GAGE10: variants seen among roughly 807,000 people sequenced by gnomAD.
GAGE10 encodes G antigen 10.
A neutral mutation model predicts 11.5 loss-of-function variants in GAGE10; 9 were observed. That is an observed-to-expected ratio of 0.78 (90% confidence interval 0.47 to 1.37). The LOEUF (loss-of-function observed/expected upper bound fraction) is 1.37. Ranked by LOEUF, GAGE10 falls within the 40% of genes most tolerant of loss-of-function variation. The pLI is 0.00. For missense variants in GAGE10, 83 were observed against 92.9 expected (o/e 0.89, Z 0.44); for synonymous variants, 23 against 29.7 (o/e 0.77, Z 0.73).
Position 49,317,068 on chromosome X carries a change from G to C in GAGE10, c.203-95G>C, listed in dbSNP as rs782758281. On this transcript the variant is annotated intron_variant, in intron 3 of 4. Transcript: ENST00000407599. ...CATATTTATTATTATACTAGCTAAA[G>C]CTTTTATATAATAACACCGAGAGCA... 3 of 988,879 alleles carry C rather than the reference G, an allele frequency of 3.0e-6. No homozygotes were observed. The Admixed American group carries it at 8.1e-5, about 27-fold the overall frequency. 81.5% of individuals were successfully genotyped at this position (988,879 alleles called of 1,213,427 possible).
chrX:49,306,936 C>G (rs1421226927), intron 3 of GAGE10, among the ~76,000 whole-genome samples: 1 of 111,916 alleles, frequency 8.9e-6, no homozygotes, highest in Non-Finnish European at 1.9e-5. Context: ...GCAAACATAA[C>G]TCCTTAGTGA....
At chrX:49,303,955 C>T (rs2066346291) in intron 1 of GAGE10, among the ~76,000 whole-genome samples, 1 of 111,788 alleles carries the variant, frequency 8.9e-6, no homozygotes. Context: ...CTCTCAAAGG[C>T]TGTGAGGCCA....
intron 4 of GAGE10, among the ~76,000 whole-genome samples, chrX:49,317,588 T>C (rs1816818942): frequency 9.0e-6 from 1 of 111,275 alleles, no homozygotes. Flanking sequence ...CCTCAGGTGA[T>C]CCACTTAACT....
chrX:49,311,418 C>T (rs1557124731), intron 3 of GAGE10, among the ~76,000 whole-genome samples: 1 of 111,527 alleles, frequency 9.0e-6, no homozygotes, highest in African/African-American at 3.3e-5. Context: ...TTCATGGTAT[C>T]CCAAGGCCAG....
chrX:49,314,345 C>G (rs1251350540), intron 3 of GAGE10, among the ~76,000 whole-genome samples: 1 of 112,352 alleles, frequency 8.9e-6, no homozygotes, highest in Non-Finnish European at 1.9e-5. Flanking sequence ...TTAGCAGGAC[C>G]AGCCCTAAAC....
chrX:49,304,280 G>A (rs1442676670), intron 1 of GAGE10, among the ~76,000 whole-genome samples: 1 of 112,688 alleles, frequency 8.9e-6, no homozygotes. Flanking sequence ...GGAAGGTCTG[G>A]CAACAGTGGG....
chrX:49,316,531 CGCA>C (rs1262849670), intron 3 of GAGE10, among the ~76,000 whole-genome samples: 14 of 111,275 alleles, frequency 1.3e-4, no homozygotes, highest in African/African-American at 4.6e-4. Context: ...TTAATTATCC[CGCA>C]GAAGTGAGAC....
intron 3 of GAGE10, among the ~76,000 whole-genome samples, 166 bp from the exon 4 acceptor site, chrX:49,316,997 T>C (rs1202689573): frequency 1.8e-5 from 2 of 111,837 alleles, no homozygotes; most frequent in African/African-American, 3.3e-5. Context: ...TTTTCCTGTT[T>C]TCTGCTAACA....
chrX:49,306,233 T>G (rs1179763227), intron 3 of GAGE10, among the ~76,000 whole-genome samples: 3 of 112,230 alleles, frequency 2.7e-5, no homozygotes, highest in Non-Finnish European at 3.8e-5. Flanking sequence ...TTTATGTAAC[T>G]GAGGTCATGG....
At chrX:49,307,696 C>G (rs2066362480) in intron 3 of GAGE10, among the ~76,000 whole-genome samples, 1 of 111,899 alleles carries the variant, frequency 8.9e-6, no homozygotes, top group South Asian at 3.7e-4. Context: ...AGGGTTCGCC[C>G]TGTTGTCCAG....
intron 4 of GAGE10, 55 bp downstream of exon 4, chrX:49,317,343 A>C: frequency 8.7e-7 from 1 of 1,154,158 alleles, no homozygotes; most frequent in African/African-American, 1.8e-5. Flanking sequence ...ACAGTATCGT[A>C]TCATAATTAT....
At chrX:49,307,201 C>G (rs1274091115) in intron 3 of GAGE10, among the ~76,000 whole-genome samples, 1 of 111,784 alleles carries the variant, frequency 8.9e-6, no homozygotes, top group Admixed American at 9.5e-5. Flanking sequence ...TCACTTCCCT[C>G]TCTTACCCTG....
At chrX:49,308,983 G>A (rs782718029) in intron 3 of GAGE10, among the ~76,000 whole-genome samples, 10 of 112,377 alleles carry the variant, frequency 8.9e-5, no homozygotes, top group African/African-American at 1.3e-4. Context: ...GGGGAGTGAC[G>A]TGGGGAAGCA....
In GAGE10 at chrX:49,306,766, G is replaced by A. The variant is rs1316651316; in HGVS notation, c.202+1242G>A. ...AGCTACTTGGGAGTCTGAGGTGAGA[G>A]GATTGCTTGAGCCCTGGAGTTGAAG... On this transcript the variant is annotated intron_variant, in intron 3 of 4. Transcript: ENST00000407599. Among the ~76,000 whole-genome samples the A allele has an allele frequency of 2.7e-5, 3 of 111,543 alleles. No homozygotes were observed. The Admixed American group carries it at 2.9e-4, about 11-fold the overall frequency.
chrX:49,315,960 C>G (rs2066390201), intron 3 of GAGE10, among the ~76,000 whole-genome samples: 1 of 112,045 alleles, frequency 8.9e-6, no homozygotes, highest in Non-Finnish European at 1.9e-5. Context: ...CAGCTGCTGC[C>G]AGTAGAAGAA....
chrX:49,308,373 C>T (rs1165254512), intron 3 of GAGE10, among the ~76,000 whole-genome samples: 8 of 112,269 alleles, frequency 7.1e-5, no homozygotes, highest in South Asian at 7.4e-4. Context: ...CAAGGCGTGC[C>T]GTAGGGGAGC....
rs189563735 is a variant in GAGE10, at chrX:49,309,120, C to T, written c.202+3596C>T. Among the ~76,000 whole-genome samples, 494 of 111,876 alleles carry T rather than the reference C, an allele frequency of 4.4e-3. 6 individuals carry two copies. Among genetic ancestry groups the T allele is most frequent in the Non-Finnish European group, 5.5e-3 (292 of 53,093 alleles). Reference sequence around the variant, plus strand: ...GGCTGTGAGAGGGGAAGGCACGTTCCTGGCTAAGCAGCCTCTGAAACTCCC... The same window carrying T: ...GGCTGTGAGAGGGGAAGGCACGTTCTTGGCTAAGCAGCCTCTGAAACTCCC... On this transcript the variant is annotated intron_variant, in intron 3 of 4. Coordinates refer to ENST00000407599, the MANE Select transcript of GAGE10 (RefSeq NM_001098413.4).
intron 2 of GAGE10, 75 bp downstream of exon 2, chrX:49,305,015 A>G (rs145615672): frequency 7.6e-5 from 83 of 1,095,930 alleles, no homozygotes; most frequent in African/African-American, 3.3e-4. Flanking sequence ...TTGCATTAGT[A>G]TGGAAATGCT....
chrX:49,304,736 C>T, intron 1 of GAGE10, 116 bp from the exon 2 acceptor site: 1 of 982,338 alleles, frequency 1.0e-6, no homozygotes, highest in Non-Finnish European at 1.4e-6. Flanking sequence ...AACTCTGGGA[C>T]TTATTTTGAA....
Sources: gnomAD v4.1 joint callset for allele counts (sites outside exome capture counted in the v4.1 genomes callset) on GRCh38, gnomAD v4.1.1 for gene constraint, MANE v1.5 for transcripts, NCBI Gene and HGNC (gene_info 2026-07-23, HGNC 2026-07-21) for gene names.